Variants in TMIGD3 observed in about 807,000 individuals in gnomAD.
The protein encoded by TMIGD3 is transmembrane and immunoglobulin domain containing 3, also known as AD026 protein (AD026).
A neutral mutation model predicts 28.1 loss-of-function variants in TMIGD3; 21 were observed. The observed-to-expected ratio is 0.75, with a 90% CI of 0.53 to 1.08. The LOEUF is 1.08. Among genes scored for constraint, TMIGD3 ranks in the 50% least tolerant of loss-of-function variants. The pLI is 0.00. For synonymous variants in TMIGD3, 151 were observed against 162.1 expected, an observed-to-expected ratio of 0.93 and a Z score of 0.52; for missense variants, 416 against 435.6, an observed-to-expected ratio of 0.96 and a Z score of 0.40.
chr1:111,561,239 T>C (rs1049701276), intron 1 of TMIGD3, among the ~76,000 whole-genome samples: 3 of 152,184 alleles, frequency 2.0e-5, no homozygotes, highest in Non-Finnish European at 4.4e-5. Context: ...TCCTCCCACT[T>C]CAGCCTCCCA....
intron 1 of TMIGD3, among the ~76,000 whole-genome samples, chr1:111,498,552 A>G (rs989117939): frequency 1.3e-5 from 2 of 152,244 alleles, no homozygotes; most frequent in Non-Finnish European, 2.9e-5. Flanking sequence ...CTTTAATGTT[A>G]CAAGTTCCTC....
At chr1:111,551,765 TG>T (rs368096424) in intron 1 of TMIGD3, among the ~76,000 whole-genome samples, 387 of 22,140 alleles carry the variant, frequency 0.017, no homozygotes, top group Non-Finnish European at 0.12. Context: ...TGTTTTGTTT[TG>T]TTTTTTTGAG....
chr1:111,527,148 C>G (rs987665102), intron 1 of TMIGD3, among the ~76,000 whole-genome samples: 1 of 151,028 alleles, frequency 6.6e-6, no homozygotes, highest in Non-Finnish European at 1.5e-5. Context: ...GTAGCTGGGA[C>G]TACAGGTGCA....
intron 1 of TMIGD3, among the ~76,000 whole-genome samples, chr1:111,531,984 T>C (rs1656473831): frequency 6.6e-6 from 1 of 152,134 alleles, no homozygotes; most frequent in Non-Finnish European, 1.5e-5. Flanking sequence ...CGACTGTTGG[T>C]CTAAGGCTAA....
At chr1:111,502,349 AAT>A (rs1655267420) in intron 1 of TMIGD3, among the ~76,000 whole-genome samples, 2 of 138,436 alleles carry the variant, frequency 1.4e-5, no homozygotes, top group African/African-American at 2.7e-5. Context: ...TATTATAATG[AAT>A]ATATATAGGA....
Position 111,503,579 on chromosome 1 carries a change from A to G in TMIGD3, c.-225T>C. ...CAGGTGGGTCACTTCCAGCCCCTTT[A>G]TGCACCGCACATCCTCAAGTTTCCA... On this transcript the variant is annotated 5_prime_UTR_variant, in exon 1 of 6. An upstream open reading frame in the 5' UTR loses its in-frame stop. Transcript: ENST00000369716. 7.3e-7 allele frequency: 1 copy of G among 1,367,774 alleles called. No individual in the cohort carries two copies. Among genetic ancestry groups the G allele is most frequent in the Non-Finnish European group, 9.5e-7 (1 of 1,057,808 alleles). The allele number at this position is 1,367,774 out of a possible 1,614,324, so 84.7% of individuals were successfully genotyped here.
At chr1:111,514,284 C>A (rs1035471821) in intron 1 of TMIGD3, among the ~76,000 whole-genome samples, 5 of 152,128 alleles carry the variant, frequency 3.3e-5, no homozygotes, top group African/African-American at 1.2e-4. Context: ...GCAGCTCACA[C>A]CTGTGATCCC....
chr1:111,504,647 A>T (rs1200176812), upstream of TMIGD3, among the ~76,000 whole-genome samples: 1 of 152,216 alleles, frequency 6.6e-6, no homozygotes, highest in Non-Finnish European at 1.5e-5. Flanking sequence ...TACCTTAAGC[A>T]TCTAAATATG....
chr1:111,500,427 A>G, intron 1 of TMIGD3: 3 of 1,614,180 alleles, frequency 1.9e-6, no homozygotes, highest in Non-Finnish European at 2.5e-6. Flanking sequence ...GGAAGGTGAC[A>G]TTTCTGTGGT....
chr1:111,484,293 C>T (rs1218036100), intron 5 of TMIGD3, among the ~76,000 whole-genome samples: 2 of 152,132 alleles, frequency 1.3e-5, no homozygotes, highest in African/African-American at 4.8e-5. Flanking sequence ...CTTTGTATCC[C>T]CAGCATCTAG....
chr1:111,483,387 T>C lies in TMIGD3; in HGVS notation c.*300A>G. The C allele has an allele frequency of 2.9e-6, 1 of 346,780 alleles. No individual in the cohort carries two copies. Among genetic ancestry groups the C allele is most frequent in the Non-Finnish European group, 5.4e-6 (1 of 186,534 alleles). The allele number at this position is 346,780 out of a possible 1,614,324, so 21.5% of individuals were successfully genotyped here. On this transcript the variant is annotated 3_prime_UTR_variant, in exon 6 of 6. Coordinates refer to ENST00000369716, the MANE Select transcript of TMIGD3 (RefSeq NM_020683.7). ...GCTAGGAATTTATTGGCTAACAAAA[T>C]ACAAGTGATTTCCTGGTCCCCAATC...
chr1:111,532,392 A>G (rs1299286953), intron 1 of TMIGD3, among the ~76,000 whole-genome samples: 3 of 152,236 alleles, frequency 2.0e-5, no homozygotes, highest in Non-Finnish European at 4.4e-5. Flanking sequence ...ATCCAGGCCC[A>G]GGAAAAACTA....
chr1:111,499,650 A>G, intron 1 of TMIGD3: 1 of 1,164,224 alleles, frequency 8.6e-7, no homozygotes. Flanking sequence ...GGCACCCTTC[A>G]GGCTCCATGA....
At chr1:111,541,356 T>C (rs547321459) in intron 1 of TMIGD3, among the ~76,000 whole-genome samples, 2 of 152,342 alleles carry the variant, frequency 1.3e-5, no homozygotes, top group East Asian at 3.9e-4. Context: ...TTTACATTCT[T>C]AGCTCAAGGT....
intron 1 of TMIGD3, among the ~76,000 whole-genome samples, chr1:111,519,143 T>C (rs1349448657): frequency 2.0e-5 from 3 of 152,214 alleles, no homozygotes; most frequent in African/African-American, 7.2e-5. Flanking sequence ...TTCACCATGT[T>C]GGCCAGGCTG....
chr1:111,503,433 G>T lies in TMIGD3; in HGVS notation c.-79C>A. 6.7e-7 allele frequency: 1 copy of T among 1,502,948 alleles called. No homozygotes were observed. The allele number at this position is 1,502,948 out of a possible 1,614,324, so 93.1% of individuals were successfully genotyped here. ...TGTAGGGCCAGTGGGCCTAGCTCTC[G>T]CCAGACGTCTTCCCAGAGGTCCATG... is the stretch of plus-strand genomic sequence containing the variant. On this transcript the variant is annotated 5_prime_UTR_variant, in exon 1 of 6. Coordinates refer to ENST00000369716, the MANE Select transcript of TMIGD3 (RefSeq NM_020683.7).
intron 1 of TMIGD3, among the ~76,000 whole-genome samples, chr1:111,532,083 T>C (rs568776579): frequency 9.7e-6 from 1 of 103,288 alleles, no homozygotes; most frequent in East Asian, 2.9e-4. Flanking sequence ...GGAAAGATTA[T>C]AGCCCTGTAC....
upstream of TMIGD3, chr1:111,503,644 GTGC>G: frequency 8.6e-7 from 1 of 1,160,236 alleles, no homozygotes; most frequent in Non-Finnish European, 1.1e-6. Context: ...GAATCTGAAA[GTGC>G]TGCTGCTCTT....
At position 111,509,049 on chromosome 1, in the gene TMIGD3, C is replaced by A. The variant is rs567123091; in HGVS notation, c.108-18287G>T. On this transcript the variant is annotated intron_variant, in intron 1 of 5. Transcript: ENST00000369717. Reference sequence around the variant, plus strand: ...GGCGGAGGTTGCAGTGAGGTGAGATCGCACCACTGCACTCCAGCCTGGGCG... The same window carrying A: ...GGCGGAGGTTGCAGTGAGGTGAGATAGCACCACTGCACTCCAGCCTGGGCG... 3.2e-3 allele frequency among the ~76,000 whole-genome samples: 492 copies of A among 152,318 alleles called. 4 individuals are homozygous for A. Among genetic ancestry groups the A allele is most frequent in the African/African-American group, 0.011 (469 of 41,564 alleles).
Sources: gnomAD v4.1 joint callset for allele counts (sites outside exome capture counted in the v4.1 genomes callset) on GRCh38, gnomAD v4.1.1 for gene constraint, MANE v1.5 for transcripts, NCBI Gene and HGNC (gene_info 2026-07-23, HGNC 2026-07-21) for gene names.